The following IPO11 variants were observed in gnomAD, a reference collection of about 807,000 sequenced individuals.
The protein encoded by IPO11 is importin 11.
In IPO11, 66 loss-of-function variants were observed where a neutral mutation model predicts 143.2. That is an observed-to-expected ratio of 0.46 (90% confidence interval 0.38 to 0.57). IPO11 has a LOEUF of 0.57. Ranked by LOEUF, IPO11 falls within the 20% of genes least tolerant of loss-of-function variation. The pLI is 0.00. For missense variants in IPO11, 1,026 were observed against 1,141.0 expected, an observed-to-expected ratio of 0.90 and a Z score of 1.45; for synonymous variants, 385 against 377.8, an observed-to-expected ratio of 1.02 and a Z score of -0.22.
At chr5:62,596,761 C>T (rs1044921616) in intron 28 of IPO11, among the ~76,000 whole-genome samples, 1 of 151,930 alleles carries the variant, frequency 6.6e-6, no homozygotes, top group African/African-American at 2.4e-5. Flanking sequence ...TCAGTTTTCC[C>T]CCTCTGATCC....
chr5:62,483,263 T>G lies in IPO11; in HGVS notation c.991T>G (p.Tyr331Asp), dbSNP rs764204086. Residue 331 changes from tyrosine (Y) to aspartate (D), a missense_variant, in exon 10 of 30, where the codon TAT becomes GAT. Physicochemically the swap from Tyr to Asp is radical, Grantham distance 160 (BLOSUM62 -3). This residue lies in a region of IPO11 where 429 missense variants were observed against 456.3 expected (regional missense o/e 0.94). Transcript: ENST00000325324. Reference protein sequence around the residue: ...MNLIKMIVKNYAYKPSKNFED... With the variant: ...MNLIKMIVKNDAYKPSKNFED... ...TCTTATTAAGATGATTGTCAAAAAT[T>G]ATGCTTATAAGCCATCCAAAAATTT... 19 of 1,602,464 alleles carry G rather than the reference T, an allele frequency of 1.2e-5. No homozygotes were observed. The Admixed American group carries it at 1.7e-4, about 14-fold the overall frequency.
chr5:62,561,398 G>T (rs1743766426), intron 27 of IPO11, 141 bp downstream of exon 27: 1 of 391,974 alleles, frequency 2.6e-6, no homozygotes, highest in Non-Finnish European at 4.3e-6. Context: ...TGATAATGAT[G>T]TGGTAAATGT....
rs1221697267 is a variant in IPO11, at chr5:62,586,813, C to A, written c.2583-4764C>A. Among the ~76,000 whole-genome samples, 324 of 114,556 alleles carry A rather than the reference C, an allele frequency of 2.8e-3. 1 individual carries two copies. Among genetic ancestry groups the A allele is most frequent in the African/African-American group, 0.01 (308 of 29,914 alleles). The allele number at this position is 114,556 out of a possible 152,430, so 75.2% of individuals were successfully genotyped here. A position where few individuals can be genotyped will look rare whatever the true frequency, so the allele number is the denominator to read the frequency against. On this transcript the variant is annotated intron_variant, in intron 27 of 29. Transcript: ENST00000325324. ...TATATATATATATATTCATGATTACCTTGTAATTATGTATAGCTTTATTTT... is the reference window on the plus strand; with the variant it reads ...TATATATATATATATTCATGATTACATTGTAATTATGTATAGCTTTATTTT...
intron 27 of IPO11, among the ~76,000 whole-genome samples, chr5:62,586,771 ATATATAT>A (rs1561375315): frequency 6.7e-5 from 4 of 59,622 alleles, no homozygotes; most frequent in African/African-American, 3.3e-4. Flanking sequence ...AAAAAAAAAT[ATATATAT>A]ATATATATAT....
intron 24 of IPO11, among the ~76,000 whole-genome samples, chr5:62,539,411 T>C (rs1742849677): frequency 6.6e-6 from 1 of 152,232 alleles, no homozygotes; most frequent in South Asian, 2.1e-4. Flanking sequence ...AAAGTCATAA[T>C]TGATTAAGGG....
At position 62,487,631 on chromosome 5, in the gene IPO11, CTTTTT is replaced by C. The variant is rs5868310; in HGVS notation, c.1219-133_1219-129del. On this transcript the variant is annotated intron_variant, in intron 12 of 29. Coordinates refer to ENST00000325324, the MANE Select transcript of IPO11 (RefSeq NM_016338.5). ...TGGTTATAAAAAAATGGTAACCTTA[CTTTTT>C]TTTTTTAACAAATCAAAAGTTGGAA... 6.1e-4 allele frequency: 448 copies of C among 739,098 alleles called. 1 individual carries two copies. The African/African-American group carries it at 7.8e-3, about 13-fold the overall frequency. The allele number at this position is 739,098 out of a possible 1,614,324, so 45.8% of individuals were successfully genotyped here. A position where few individuals can be genotyped will look rare whatever the true frequency, so the allele number is the denominator to read the frequency against.
chr5:62,499,473 C>A (rs1007805893), intron 16 of IPO11, among the ~76,000 whole-genome samples: 4 of 151,954 alleles, frequency 2.6e-5, no homozygotes, highest in African/African-American at 9.7e-5. Context: ...CACTGTATAC[C>A]ACTGTAGACT....
chr5:62,422,327 A>G (rs1473921857), intron 1 of IPO11, among the ~76,000 whole-genome samples: 5 of 152,084 alleles, frequency 3.3e-5, no homozygotes, highest in African/African-American at 9.7e-5. Flanking sequence ...GGGTTTCACC[A>G]TGTTGGCCAG....
Position 62,608,435 on chromosome 5 carries a change from A to G in IPO11, c.2763+6587A>G, listed in dbSNP as rs556880111. 2.6e-5 allele frequency among the ~76,000 whole-genome samples: 4 copies of G among 152,350 alleles called. No individual in the cohort carries two copies. The South Asian group carries it at 8.3e-4, about 32-fold the overall frequency. On this transcript the variant is annotated intron_variant, in intron 29 of 29. Transcript: ENST00000325324. ...TATATAACCAGGGTTGAAAACCACT[A>G]GAATAAGAATTAAACCCCTTGACAC...
chr5:62,539,958 A>G (rs1397570256), intron 24 of IPO11, among the ~76,000 whole-genome samples: 5 of 152,204 alleles, frequency 3.3e-5, no homozygotes, highest in Admixed American at 3.3e-4. Context: ...GGAGTGATTA[A>G]AACAAGTGAA....
chr5:62,571,017 G>T (rs1012007147), intron 27 of IPO11, among the ~76,000 whole-genome samples: 15 of 152,136 alleles, frequency 9.9e-5, no homozygotes, highest in African/African-American at 3.4e-4. Context: ...AGAATAACTA[G>T]CTCCAACAAG....
At chr5:62,481,812 T>C (rs1274995361) in intron 9 of IPO11, among the ~76,000 whole-genome samples, 4 of 152,178 alleles carry the variant, frequency 2.6e-5, no homozygotes, top group Non-Finnish European at 4.4e-5. Flanking sequence ...ATAAAAGGAT[T>C]TAGGGAGGAT....
chr5:62,551,058 T>C (rs535358138), intron 25 of IPO11, among the ~76,000 whole-genome samples, 165 bp from the exon 26 acceptor site: 1 of 151,474 alleles, frequency 6.6e-6, no homozygotes, highest in Non-Finnish European at 1.5e-5. Flanking sequence ...AATTCATATA[T>C]GTATTTAGTA....
intron 24 of IPO11, among the ~76,000 whole-genome samples, chr5:62,545,463 G>T (rs563197383): frequency 1.3e-5 from 2 of 152,296 alleles, no homozygotes; most frequent in African/African-American, 2.4e-5. Context: ...ATGGATTAAA[G>T]ACTTAAGTGT....
intron 14 of IPO11, 119 bp downstream of exon 14, chr5:62,489,468 A>G (rs943293061): frequency 1.3e-5 from 8 of 609,460 alleles, no homozygotes; most frequent in South Asian, 1.0e-4. Flanking sequence ...TACAGGAACA[A>G]TCTGATTGGG....
chr5:62,433,884 T>C (rs1232823076), intron 1 of IPO11, among the ~76,000 whole-genome samples: 2 of 152,176 alleles, frequency 1.3e-5, no homozygotes, highest in African/African-American at 4.8e-5. Context: ...AAAGCAAGGC[T>C]GTGACTTTTA....
chr5:62,577,417 A>C (rs1744354842), intron 27 of IPO11, among the ~76,000 whole-genome samples: 1 of 152,096 alleles, frequency 6.6e-6, no homozygotes, highest in Non-Finnish European at 1.5e-5. Context: ...TGGTTATATT[A>C]CTTTGTGGGT....
chr5:62,463,902 C>G (rs564962590), intron 5 of IPO11, among the ~76,000 whole-genome samples: 3 of 151,518 alleles, frequency 2.0e-5, no homozygotes, highest in South Asian at 4.2e-4. Context: ...CAGCTCAGTG[C>G]AACCTCCACC....
At chr5:62,600,055 G>A (rs1398769996) in intron 28 of IPO11, among the ~76,000 whole-genome samples, 1 of 151,968 alleles carries the variant, frequency 6.6e-6, no homozygotes, top group African/African-American at 2.4e-5. Flanking sequence ...TTGGGGGTGG[G>A]GGAGACAGAA....
Sources: gnomAD v4.1 joint callset for allele counts (sites outside exome capture counted in the v4.1 genomes callset) on GRCh38, gnomAD v4.1.1 for gene constraint, gnomAD v4.1.1 regional missense constraint, MANE v1.5 for transcripts, NCBI Gene and HGNC (gene_info 2026-07-23, HGNC 2026-07-21) for gene names.